LMO2: variants seen among roughly 807,000 people sequenced by gnomAD.
The protein encoded by LMO2 is rhombotin-2.
LMO2 carries 20 observed loss-of-function variants against 23.2 expected under a neutral mutation model. That is an observed-to-expected ratio of 0.86 (90% CI 0.61 to 1.25). The LOEUF (loss-of-function observed/expected upper bound fraction) is 1.25. LMO2 is among the 50% of genes most tolerant of loss of function. The pLI is 0.00. For synonymous variants in LMO2, 123 were observed against 130.2 expected (o/e 0.94, Z 0.38); for missense variants, 270 against 315.3 (o/e 0.86, Z 1.09).
At chr11:33,860,349 A>T (rs906613023) in intron 5 of LMO2, among the ~76,000 whole-genome samples, 5 of 152,154 alleles carry the variant, frequency 3.3e-5, no homozygotes, top group Non-Finnish European at 7.4e-5. Context: ...TCAGTCACTT[A>T]TTTCAGGCAG....
At chr11:33,865,410 TC>T (rs1374389826) in intron 4 of LMO2, among the ~76,000 whole-genome samples, 1 of 152,244 alleles carries the variant, frequency 6.6e-6, no homozygotes, top group Non-Finnish European at 1.5e-5. Flanking sequence ...GCTTTCTCTT[TC>T]CAAAATCAAA....
rs992766012 is a variant in LMO2, at chr11:33,869,465, C to G, written c.129G>C (p.Gly43=). The change falls in exon 4 of 6, where the codon GGG becomes GGC. Residue 43 remains glycine (G), a synonymous_variant. Transcript: ENST00000257818. The part of the protein sequence containing the change: ...GGGGGARAPE[G]VRAPAAGQPR... ...GCTGGCCGGCTGCCGGGGCTCGGACCCCCTCGGGTGCTCGGGCGCCGCCGC... is the reference window on the plus strand; with the variant it reads ...GCTGGCCGGCTGCCGGGGCTCGGACGCCCTCGGGTGCTCGGGCGCCGCCGC... 10 of 1,209,068 alleles carry G rather than the reference C, an allele frequency of 8.3e-6. No homozygotes were observed. Among genetic ancestry groups the G allele is most frequent in the African/African-American group, 6.5e-5 (4 of 61,962 alleles). 74.9% of individuals were successfully genotyped at this position (1,209,068 alleles called of 1,614,324 possible).
At position 33,863,802 on chromosome 11, in the gene LMO2, T is replaced by C. The variant is rs76222539; in HGVS notation, c.464+800A>G. Among the ~76,000 whole-genome samples the C allele has an allele frequency of 3.2e-4, 48 of 152,376 alleles. 1 individual carries two copies. The East Asian group carries it at 9.2e-3, about 29-fold the overall frequency. ...GTCGAGTTCCTATTTTACTCTTCCA[T>C]TCTTCCATCCCTTTGCTCATTAGAT... On this transcript the variant is annotated intron_variant, in intron 5 of 5. Transcript: ENST00000257818.
intron 5 of LMO2, among the ~76,000 whole-genome samples, chr11:33,862,232 A>T (rs1590628682): frequency 1.3e-5 from 2 of 152,310 alleles, no homozygotes; most frequent in East Asian, 1.9e-4. Context: ...AATATAAGTT[A>T]TGCCTGGCTC....
chr11:33,891,522 C>T (rs1047286931), intron 1 of LMO2, among the ~76,000 whole-genome samples: 4 of 152,024 alleles, frequency 2.6e-5, no homozygotes, highest in Admixed American at 6.6e-5. Flanking sequence ...TAGCAGTTCC[C>T]GAAGACATTA....
At chr11:33,868,350 G>A (rs1331808378) in intron 4 of LMO2, among the ~76,000 whole-genome samples, 1 of 152,172 alleles carries the variant, frequency 6.6e-6, no homozygotes. Flanking sequence ...AGCACAAATG[G>A]ACAAGTCATT....
intron 2 of LMO2, chr11:33,870,661 A>G: frequency 6.5e-6 from 5 of 772,218 alleles, no homozygotes; most frequent in Non-Finnish European, 7.9e-6. Context: ...CTGGTGGCGG[A>G]ATCCCCTCCC....
In LMO2 at chr11:33,869,771, G is replaced by C; in HGVS notation, c.-55C>G. 1 of 1,175,388 alleles carries C rather than the reference G, an allele frequency of 8.5e-7. No homozygotes were observed. Among genetic ancestry groups the C allele is most frequent in the Non-Finnish European group, 1.1e-6 (1 of 950,446 alleles). The allele number at this position is 1,175,388 out of a possible 1,614,324, so 72.8% of individuals were successfully genotyped here. A position where few individuals can be genotyped will look rare whatever the true frequency, so the allele number is the denominator to read the frequency against. On this transcript the variant is annotated 5_prime_UTR_variant, in exon 3 of 6. Coordinates refer to ENST00000257818, the MANE Select transcript of LMO2 (RefSeq NM_005574.4). The stretch of plus-strand genomic sequence containing the variant: ...CCTCTCGCGCGCTGTCGCCGGCTCC[G>C]CGCCGCCCGCGGGGATGGTGTGCGC...
intron 1 of LMO2, among the ~76,000 whole-genome samples, chr11:33,884,064 T>C (rs114364172): frequency 0.01 from 1,575 of 152,182 alleles, 23 homozygotes; most frequent in African/African-American, 0.035. Flanking sequence ...AAGCCTTGGA[T>C]GCCAAAACGC....
intron 1 of LMO2, among the ~76,000 whole-genome samples, chr11:33,887,837 G>C (rs1473577831): frequency 6.6e-6 from 1 of 152,164 alleles, no homozygotes; most frequent in Non-Finnish European, 1.5e-5. Context: ...GCCTCCCAAA[G>C]TGATGGGATT....
At chr11:33,870,559 G>C in intron 2 of LMO2, 1 of 985,674 alleles carries the variant, frequency 1.0e-6, no homozygotes, top group East Asian at 1.1e-4. Flanking sequence ...GACTGCACGG[G>C]CTGGGGACGC....
chr11:33,883,572 G>C (rs898085324), intron 1 of LMO2, among the ~76,000 whole-genome samples: 8 of 152,192 alleles, frequency 5.3e-5, no homozygotes, highest in Admixed American at 5.2e-4. Context: ...ACTGCAATCA[G>C]ATTGGATTAG....
chr11:33,881,053 T>A (rs1857269127), intron 2 of LMO2: 2 of 385,662 alleles, frequency 5.2e-6, no homozygotes, highest in South Asian at 3.8e-5. Context: ...TCTGCCCTCC[T>A]GTCTGAGAAT....
At chr11:33,882,522 A>G (rs1029277737) in intron 1 of LMO2, among the ~76,000 whole-genome samples, 1 of 152,182 alleles carries the variant, frequency 6.6e-6, no homozygotes, top group African/African-American at 2.4e-5. Context: ...TCTTTTGAAA[A>G]TTTATTTTTC....
intron 2 of LMO2, among the ~76,000 whole-genome samples, chr11:33,877,871 C>CAAAA (rs3837371): frequency 6.7e-6 from 1 of 150,012 alleles, no homozygotes; most frequent in African/African-American, 2.4e-5. Flanking sequence ...TATCCTTTGG[C>CAAAA]AAAAAAAAAC....
Position 33,869,613 on chromosome 11 carries a change from A to G in LMO2, c.8-27T>C, listed in dbSNP as rs780659198. On this transcript the variant is annotated intron_variant, in intron 3 of 5. Coordinates refer to ENST00000257818, the MANE Select transcript of LMO2 (RefSeq NM_005574.4). ...TTCAAACGCCAAAGAGAGAGAGCGA[A>G]TCACCGGGCTGCGGGCGCGCCGCGG... The G allele has an allele frequency of 9.5e-6, 12 of 1,265,550 alleles. No homozygotes were observed. In the African/African-American group the frequency reaches 1.9e-4, roughly 20 times the overall value. 78.4% of individuals were successfully genotyped at this position (1,265,550 alleles called of 1,614,324 possible).
intron 2 of LMO2, among the ~76,000 whole-genome samples, chr11:33,871,324 G>A (rs570382462): frequency 2.0e-5 from 3 of 151,744 alleles, no homozygotes; most frequent in African/African-American, 7.3e-5. Context: ...GTGCTCGGTG[G>A]CTCATGCTTG....
rs758187143 is a variant in LMO2 at position 33,858,709 on chromosome 11, T to G, written c.*647A>C. 12 of 202,164 alleles carry G rather than the reference T, an allele frequency of 5.9e-5. No homozygotes were observed. Among genetic ancestry groups the G allele is most frequent in the Non-Finnish European group, 1.0e-4 (10 of 98,498 alleles). 12.5% of individuals were successfully genotyped at this position (202,164 alleles called of 1,614,324 possible). A position where few individuals can be genotyped will look rare whatever the true frequency, so the allele number is the denominator to read the frequency against. On this transcript the variant is annotated 3_prime_UTR_variant, in exon 6 of 6. Coordinates refer to ENST00000257818, the MANE Select transcript of LMO2 (RefSeq NM_005574.4). ...TTTATATTTGTATAGAAACAATCTG[T>G]GGAACTCCTCCCCTCAAAATGAAGG... is the stretch of plus-strand genomic sequence containing the variant.
At chr11:33,882,566 C>T (rs140303139) in intron 1 of LMO2, among the ~76,000 whole-genome samples, 37 of 152,312 alleles carry the variant, frequency 2.4e-4, no homozygotes, top group Admixed American at 1.8e-3. Flanking sequence ...AAAGCCAACA[C>T]GCAGACACCG....
Sources: allele counts gnomAD v4.1 joint callset (sites outside exome capture counted in the v4.1 genomes callset), GRCh38; gene constraint gnomAD v4.1.1; transcripts MANE v1.5; gene names NCBI Gene and HGNC (gene_info 2026-07-23, HGNC 2026-07-21).